The following RGS6 variants were observed in gnomAD, a reference collection of about 807,000 sequenced individuals.
RGS6 encodes the protein regulator of G-protein signaling 6.
RGS6 carries 30 observed loss-of-function variants against 78.5 expected under a neutral mutation model. The ratio of observed to expected loss-of-function variants is 0.38; its 90% CI spans 0.29 to 0.52. The LOEUF is 0.52. Ranked by LOEUF, RGS6 falls within the 20% of genes least tolerant of loss-of-function variation. The probability of loss-of-function intolerance (pLI) is 0.85; values close to 1 mark genes in which losing one functional copy is unlikely to be tolerated. For missense variants in RGS6, 495 were observed against 609.7 expected (o/e 0.81, Z 1.98); for synonymous variants, 206 against 206.0 (o/e 1.00, Z 0.00).
chr14:71,974,353 T>C (rs1261001836), intron 2 of RGS6, among the ~76,000 whole-genome samples: 2 of 152,224 alleles, frequency 1.3e-5, no homozygotes, highest in Non-Finnish European at 2.9e-5. Context: ...CATTCTCTGT[T>C]CTAAAAACTT....
intron 2 of RGS6, among the ~76,000 whole-genome samples, chr14:72,091,666 G>A (rs2095272575): frequency 6.6e-6 from 1 of 152,132 alleles, no homozygotes; most frequent in Non-Finnish European, 1.5e-5. Flanking sequence ...CTATGAAAAT[G>A]GCCTAAGTAA....
chr14:72,490,492 A>G lies in RGS6; in HGVS notation c.855-4660A>G, dbSNP rs542708675. ...ACCTTGCAGGAGATTTATAGGACAG[A>G]GGATGTGCCTCTAGTGTGCCCGTGG... On this transcript the variant is annotated intron_variant, in intron 12 of 17. Coordinates refer to ENST00000553525, the MANE Select transcript of RGS6 (RefSeq NM_001204424.2). Among the ~76,000 whole-genome samples the G allele has an allele frequency of 7.9e-5, 12 of 152,338 alleles. No individual in the cohort carries two copies. In the East Asian group the frequency reaches 2.1e-3, roughly 27 times the overall value.
intron 12 of RGS6, among the ~76,000 whole-genome samples, chr14:72,478,949 G>A (rs536038623): frequency 2.6e-5 from 4 of 152,186 alleles, no homozygotes; most frequent in East Asian, 1.9e-4. Flanking sequence ...TAACTCTTCC[G>A]TGAAGATGGG....
At chr14:72,594,688 A>G in the RGS6 span, 1 of 152,188 alleles carries the variant, frequency 6.6e-6, no homozygotes, top group East Asian at 1.9e-4. Context: ...AACTGCTTGC[A>G]TATTTAAAAG....
chr14:71,882,671 A>G, the RGS6 span, among the ~76,000 whole-genome samples: 1 of 152,250 alleles, frequency 6.6e-6, no homozygotes, highest in Non-Finnish European at 1.5e-5. Context: ...CCCAATAGCA[A>G]TGAAAATGAT....
At chr14:72,040,556 G>C (rs1213847392) in intron 2 of RGS6, among the ~76,000 whole-genome samples, 1 of 152,092 alleles carries the variant, frequency 6.6e-6, no homozygotes, top group East Asian at 1.9e-4. Flanking sequence ...CTTTGTTTTT[G>C]ATTTTGACAG....
chr14:72,225,142 C>T (rs2047818218), intron 2 of RGS6, among the ~76,000 whole-genome samples: 1 of 152,144 alleles, frequency 6.6e-6, no homozygotes, highest in African/African-American at 2.4e-5. Flanking sequence ...TTACTAATGA[C>T]ATTAGGCTCC....
intron 3 of RGS6, among the ~76,000 whole-genome samples, chr14:72,395,640 G>C (rs557598027): frequency 6.6e-6 from 1 of 151,682 alleles, no homozygotes; most frequent in Non-Finnish European, 1.5e-5. Context: ...CCATTAACTC[G>C]TCATTTAACA....
chr14:72,528,695 G>A (rs1486219551), intron 15 of RGS6, among the ~76,000 whole-genome samples: 1 of 152,170 alleles, frequency 6.6e-6, no homozygotes, highest in Non-Finnish European at 1.5e-5. Context: ...AAGAAGATAA[G>A]GCAAGACAAA....
At chr14:72,413,662 T>C (rs1320496504) in intron 3 of RGS6, among the ~76,000 whole-genome samples, 4 of 152,208 alleles carry the variant, frequency 2.6e-5, no homozygotes, top group Admixed American at 6.5e-5. Flanking sequence ...TTCCTAGCCT[T>C]GATGGTCTTT....
chr14:72,581,893 T>C, the RGS6 span, among the ~76,000 whole-genome samples: 3 of 152,242 alleles, frequency 2.0e-5, no homozygotes, highest in East Asian at 5.8e-4. Flanking sequence ...AAAAGAGTTT[T>C]ATTTAGCTCA....
intron 15 of RGS6, among the ~76,000 whole-genome samples, chr14:72,530,458 C>A (rs1427993317): frequency 1.3e-5 from 2 of 152,098 alleles, no homozygotes; most frequent in African/African-American, 4.8e-5. Context: ...GAGGCCGAGG[C>A]GGGTGAATCA....
chr14:72,071,017 G>A (rs2094390179), intron 2 of RGS6, among the ~76,000 whole-genome samples: 1 of 152,042 alleles, frequency 6.6e-6, no homozygotes, highest in African/African-American at 2.4e-5. Context: ...CAGCAAAAAT[G>A]TAGGTCAGGG....
chr14:72,357,417 TG>T (rs1316816612), intron 3 of RGS6, among the ~76,000 whole-genome samples: 1 of 152,120 alleles, frequency 6.6e-6, no homozygotes, highest in Non-Finnish European at 1.5e-5. Flanking sequence ...CAGGAAGATG[TG>T]GGAAAGTTTA....
intron 2 of RGS6, among the ~76,000 whole-genome samples, chr14:72,309,368 C>T (rs1203340580): frequency 6.6e-6 from 1 of 152,200 alleles, no homozygotes; most frequent in African/African-American, 2.4e-5. Context: ...CACCCTAAAC[C>T]TAGCACACCA....
At chr14:71,967,292 GCA>G (rs2093581939) in intron 2 of RGS6, among the ~76,000 whole-genome samples, 3 of 151,694 alleles carry the variant, frequency 2.0e-5, no homozygotes, top group African/African-American at 7.3e-5. Flanking sequence ...CACACTTATT[GCA>G]CAGTGTGAGC....
intron 12 of RGS6, among the ~76,000 whole-genome samples, chr14:72,489,001 C>T (rs56106425): frequency 6.6e-6 from 1 of 152,066 alleles, no homozygotes; most frequent in Non-Finnish European, 1.5e-5. Context: ...TATTTCTGGT[C>T]TTAAAAAAAA....
chr14:72,210,033 A>C (rs913365461), intron 2 of RGS6, among the ~76,000 whole-genome samples: 4 of 152,244 alleles, frequency 2.6e-5, no homozygotes, highest in Admixed American at 1.3e-4. Context: ...TGCAGAATAC[A>C]GATACTCAGG....
intron 14 of RGS6, among the ~76,000 whole-genome samples, chr14:72,516,104 A>G (rs2096939422): frequency 6.6e-6 from 1 of 151,982 alleles, no homozygotes; most frequent in African/African-American, 2.4e-5. Flanking sequence ...TGGACATTTG[A>G]CCCCTTCTGG....
Sources: allele counts gnomAD v4.1 joint callset (sites outside exome capture counted in the v4.1 genomes callset), GRCh38; gene constraint gnomAD v4.1.1; transcripts MANE v1.5; gene names NCBI Gene and HGNC (gene_info 2026-07-23, HGNC 2026-07-21).